The following SFMBT2 variants were observed in gnomAD, a reference collection of about 807,000 sequenced individuals.
SFMBT2 encodes the protein scm-like with four MBT domains protein 2.
A neutral mutation model predicts 110.1 loss-of-function variants in SFMBT2; 38 were observed. The ratio of observed to expected loss-of-function variants is 0.35; its 90% CI spans 0.27 to 0.45. The LOEUF is 0.45. SFMBT2 is among the 20% of genes least tolerant of loss of function. The probability of loss-of-function intolerance (pLI) is 1.00; values close to 1 mark genes in which losing one functional copy is unlikely to be tolerated. For missense variants in SFMBT2, 1,011 were observed against 1,094.9 expected (o/e 0.92, Z 1.08); for synonymous variants, 425 against 425.4 (o/e 1.00, Z 0.01).
At chr10:7,249,794 G>A (rs1424599010) in intron 7 of SFMBT2, among the ~76,000 whole-genome samples, 2 of 152,150 alleles carry the variant, frequency 1.3e-5, no homozygotes, top group Middle Eastern at 3.2e-3. Flanking sequence ...GAGTTGCCAA[G>A]GTTAACAGAA....
chr10:7,258,954 A>T (rs1453488262), intron 7 of SFMBT2, among the ~76,000 whole-genome samples: 4 of 152,262 alleles, frequency 2.6e-5, no homozygotes, highest in Non-Finnish European at 4.4e-5. Context: ...AGAGGTAAAG[A>T]GCGATTTTGT....
chr10:7,401,173 G>A (rs1846072493), intron 1 of SFMBT2, among the ~76,000 whole-genome samples: 1 of 152,022 alleles, frequency 6.6e-6, no homozygotes, highest in Non-Finnish European at 1.5e-5. Flanking sequence ...TCCAAAAAGA[G>A]CCCGAGTGGT....
chr10:7,162,690 C>T lies in SFMBT2; in HGVS notation c.*1080G>A, dbSNP rs2131501617. On this transcript the variant is annotated 3_prime_UTR_variant, in exon 21 of 21. Coordinates refer to ENST00000397167, the MANE Select transcript of SFMBT2 (RefSeq NM_001387889.1). ...CCTTTGATATATAATCCAACATTTG[C>T]CTAAAAGACTCACTCCCTGATCCGG... is the stretch of plus-strand genomic sequence containing the variant. 6.6e-6 allele frequency: 1 copy of T among 152,324 alleles called. No individual in the cohort carries two copies. The highest frequency in any genetic ancestry group is 6.5e-5 in the Admixed American group (1 of 15,292). The allele number at this position is 152,324 out of a possible 1,614,324, so 9.4% of individuals were successfully genotyped here.
intron 16 of SFMBT2, among the ~76,000 whole-genome samples, chr10:7,179,037 A>T (rs1191950889): frequency 1.3e-5 from 2 of 151,748 alleles, no homozygotes; most frequent in African/African-American, 4.8e-5. Flanking sequence ...TTTTTTTTTT[A>T]AAGTATCAAC....
intron 4 of SFMBT2, among the ~76,000 whole-genome samples, chr10:7,305,264 T>C (rs1842660462): frequency 1.3e-5 from 2 of 152,226 alleles, no homozygotes; most frequent in South Asian, 2.1e-4. Context: ...GATGATTAAA[T>C]GACAGGCTAT....
intron 9 of SFMBT2, among the ~76,000 whole-genome samples, chr10:7,237,187 AATATCCCC>A (rs778452831): frequency 1.7e-4 from 26 of 152,220 alleles, no homozygotes; most frequent in Admixed American, 4.6e-4. Context: ...CACATTTAGG[AATATCCCC>A]TGAAAGCACC....
intron 4 of SFMBT2, among the ~76,000 whole-genome samples, chr10:7,315,680 G>A (rs1395646947): frequency 6.6e-6 from 1 of 152,084 alleles, no homozygotes; most frequent in Non-Finnish European, 1.5e-5. Context: ...TGTGTTCCTG[G>A]AGAACCCTGA....
chr10:7,317,923 G>T (rs1192685307), intron 4 of SFMBT2, among the ~76,000 whole-genome samples: 1 of 152,160 alleles, frequency 6.6e-6, no homozygotes, highest in East Asian at 1.9e-4. Context: ...CAAAAAATCA[G>T]CAAGTCATAG....
chr10:7,207,667 C>A (rs1331005981), intron 11 of SFMBT2: 1 of 960,090 alleles, frequency 1.0e-6, no homozygotes, highest in South Asian at 4.8e-5. Flanking sequence ...CATAACTTCA[C>A]GAAGCTAAAT....
intron 12 of SFMBT2, 173 bp downstream of exon 12, chr10:7,205,642 T>A: frequency 1.1e-5 from 11 of 985,442 alleles, no homozygotes; most frequent in African/African-American, 3.5e-5. Flanking sequence ...TGTGACATCA[T>A]CTCATGCAAA....
chr10:7,210,523 G>C (rs79820313), intron 11 of SFMBT2, among the ~76,000 whole-genome samples: 1,525 of 152,308 alleles, frequency 0.01, 33 homozygotes, highest in African/African-American at 0.035. Flanking sequence ...TCAGTTAAAG[G>C]CTGGAATCAG....
intron 16 of SFMBT2, among the ~76,000 whole-genome samples, chr10:7,186,483 T>TATATATATAAA (rs1838416935): frequency 6.7e-6 from 1 of 149,096 alleles, no homozygotes; most frequent in African/African-American, 2.5e-5. Context: ...TAAAAATATT[T>TATATATATAAA]TATTTGTTGT....
At chr10:7,378,506 A>G (rs1588495323) in intron 2 of SFMBT2, among the ~76,000 whole-genome samples, 2 of 41,198 alleles carry the variant, frequency 4.9e-5, no homozygotes, top group Non-Finnish European at 4.1e-5. Context: ...GTATGTGTGG[A>G]TGGGTGGGTG....
intron 1 of SFMBT2, among the ~76,000 whole-genome samples, chr10:7,385,846 A>G (rs944277871): frequency 9.5e-4 from 144 of 152,226 alleles, no homozygotes; most frequent in African/African-American, 3.3e-3. Flanking sequence ...AAAAATACAA[A>G]AAAATTAGCC....
At chr10:7,351,506 A>C (rs894876476) in intron 4 of SFMBT2, among the ~76,000 whole-genome samples, 10 of 152,210 alleles carry the variant, frequency 6.6e-5, no homozygotes, top group Non-Finnish European at 1.3e-4. Flanking sequence ...CAAAGTTGAG[A>C]GAGAAAATAC....
At chr10:7,240,211 T>G (rs374773086) in intron 9 of SFMBT2, among the ~76,000 whole-genome samples, 2 of 152,296 alleles carry the variant, frequency 1.3e-5, no homozygotes, top group East Asian at 3.9e-4. Context: ...TTTTCTTATG[T>G]AACTACAAAA....
chr10:7,187,067 C>T lies in SFMBT2; in HGVS notation c.1808+1557G>A, dbSNP rs75014808. ...GCTGGATTTAATAAAAAGCTCTGAT[C>T]GACTTGGTAACATGAAAACTAGTGC... is the stretch of plus-strand genomic sequence containing the variant. On this transcript the variant is annotated intron_variant, in intron 16 of 20. Transcript: ENST00000397167. Among the ~76,000 whole-genome samples the T allele has an allele frequency of 1.9e-3, 289 of 152,288 alleles. 2 individuals are homozygous for T. In the East Asian group the frequency reaches 0.046, roughly 24 times the overall value.
At chr10:7,334,323 T>G (rs949757927) in intron 4 of SFMBT2, among the ~76,000 whole-genome samples, 1 of 152,134 alleles carries the variant, frequency 6.6e-6, no homozygotes, top group African/African-American at 2.4e-5. Context: ...ACCAGGAGCC[T>G]GATGCTCAGA....
At chr10:7,267,646 C>A (rs968699336) in intron 7 of SFMBT2, among the ~76,000 whole-genome samples, 6 of 152,208 alleles carry the variant, frequency 3.9e-5, no homozygotes, top group African/African-American at 1.2e-4. Flanking sequence ...GATCTGCCAG[C>A]CTCAGCCTCC....
Sources: allele counts gnomAD v4.1 joint callset (sites outside exome capture counted in the v4.1 genomes callset), GRCh38; gene constraint gnomAD v4.1.1; transcripts MANE v1.5; gene names NCBI Gene and HGNC (gene_info 2026-07-23, HGNC 2026-07-21).